Variants in PRKCE observed in about 807,000 individuals in gnomAD.
PRKCE encodes the protein protein kinase C epsilon type.
PRKCE carries 16 observed loss-of-function variants against 85.4 expected under a neutral mutation model. The ratio of observed to expected loss-of-function variants is 0.19; its 90% CI spans 0.13 to 0.28. The LOEUF is 0.28. Ranked by LOEUF, PRKCE falls within the 10% of genes least tolerant of loss-of-function variation. PRKCE has a pLI of 1.00. For synonymous variants in PRKCE, 388 were observed against 371.5 expected, an observed-to-expected ratio of 1.04 and a Z score of -0.51; for missense variants, 573 against 975.2, an observed-to-expected ratio of 0.59 and a Z score of 5.49.
intron 11 of PRKCE, among the ~76,000 whole-genome samples, chr2:46,115,129 C>A (rs927095179): frequency 2.0e-5 from 3 of 152,136 alleles, no homozygotes; most frequent in Admixed American, 2.0e-4. Context: ...ACCGTCAGTT[C>A]TAGGCACTGG....
intron 2 of PRKCE, among the ~76,000 whole-genome samples, chr2:45,876,164 C>A (rs142135292): frequency 6.6e-6 from 1 of 152,254 alleles, no homozygotes; most frequent in Non-Finnish European, 1.5e-5. Context: ...CTTCCATCTC[C>A]CCTTATTTCA....
At chr2:46,027,160 C>T (rs1380372894) in intron 10 of PRKCE, among the ~76,000 whole-genome samples, 2 of 152,024 alleles carry the variant, frequency 1.3e-5, no homozygotes, top group Non-Finnish European at 2.9e-5. Context: ...CAGAGCAAGA[C>T]CCTGTCTCAA....
intron 1 of PRKCE, among the ~76,000 whole-genome samples, chr2:45,809,952 A>G (rs1431725020): frequency 6.6e-6 from 1 of 152,080 alleles, no homozygotes; most frequent in African/African-American, 2.4e-5. Context: ...AAGGTCACCT[A>G]GGCTCCTTTA....
chr2:45,878,878 C>T lies in PRKCE; in HGVS notation c.412+35815C>T, dbSNP rs568277424. On this transcript the variant is annotated intron_variant, in intron 2 of 14. Transcript: ENST00000306156. ...TGGCAATTGAAAAGCAAAGTTTGCT[C>T]TTGCTTTTTTAAAATCAACTTTCTC... is the stretch of plus-strand genomic sequence containing the variant. 3.3e-5 allele frequency among the ~76,000 whole-genome samples: 5 copies of T among 152,188 alleles called. No individual in the cohort carries two copies. In the South Asian group the frequency reaches 6.3e-4, roughly 19 times the overall value.
intron 1 of PRKCE, among the ~76,000 whole-genome samples, chr2:45,842,780 A>C (rs1691461663): frequency 6.6e-6 from 1 of 152,168 alleles, no homozygotes; most frequent in Non-Finnish European, 1.5e-5. Context: ...CTGTGTAGCA[A>C]AATTGCCCCC....
intron 1 of PRKCE, among the ~76,000 whole-genome samples, chr2:45,804,383 T>C (rs1262883663): frequency 6.6e-6 from 1 of 152,108 alleles, no homozygotes. Flanking sequence ...CTGAATTCCA[T>C]TGAGAGGACC....
At chr2:46,121,757 C>T (rs986953656) in intron 11 of PRKCE, among the ~76,000 whole-genome samples, 2 of 152,194 alleles carry the variant, frequency 1.3e-5, no homozygotes, top group African/African-American at 4.8e-5. Flanking sequence ...AAATGCATAC[C>T]TGCAGGGCCT....
chr2:45,868,349 A>G (rs1051894373), intron 2 of PRKCE, among the ~76,000 whole-genome samples: 3 of 128,782 alleles, frequency 2.3e-5, no homozygotes, highest in Non-Finnish European at 5.0e-5. Context: ...AAAACTTTTT[A>G]GGGCAGTTAG....
rs1290728226 is a variant in PRKCE, at chr2:45,984,699, T to G, written c.823+19T>G. 6.3e-7 allele frequency: 1 copy of G among 1,593,032 alleles called. No homozygotes were observed. The highest frequency in any genetic ancestry group is 1.1e-5 in the South Asian group (1 of 90,612). On this transcript the variant is annotated intron_variant, in intron 6 of 14. Transcript: ENST00000306156. ...TGTAAAGGTAAGTTGCTCCCTGCCCTGCCCTCAGCCCCTGCATGTCCCCTT... is the reference window on the plus strand; with the variant it reads ...TGTAAAGGTAAGTTGCTCCCTGCCCGGCCCTCAGCCCCTGCATGTCCCCTT...
intron 1 of PRKCE, among the ~76,000 whole-genome samples, chr2:45,769,578 A>C (rs1483967488): frequency 2.6e-5 from 4 of 152,264 alleles, no homozygotes; most frequent in South Asian, 2.1e-4. Flanking sequence ...AGACTAGTTT[A>C]TTTCTCACTG....
chr2:45,986,948 G>A (rs1703375941), intron 6 of PRKCE, among the ~76,000 whole-genome samples: 1 of 152,158 alleles, frequency 6.6e-6, no homozygotes, highest in African/African-American at 2.4e-5. Context: ...TCTAGCAGAG[G>A]AGTGATGTGC....
intron 1 of PRKCE, among the ~76,000 whole-genome samples, chr2:45,788,454 G>A (rs900310144): frequency 1.1e-4 from 17 of 152,208 alleles, no homozygotes; most frequent in African/African-American, 4.1e-4. Context: ...GTGTTTTTAC[G>A]TGCAGTGTCT....
intron 2 of PRKCE, among the ~76,000 whole-genome samples, chr2:45,884,999 ATATT>A (rs1695178674): frequency 1.6e-5 from 1 of 63,270 alleles, no homozygotes; most frequent in Non-Finnish European, 3.2e-5. Flanking sequence ...ATATATATAT[ATATT>A]TGTTGTTGTT....
intron 14 of PRKCE, among the ~76,000 whole-genome samples, chr2:46,169,518 G>C (rs1341020804): frequency 6.6e-6 from 1 of 152,174 alleles, no homozygotes; most frequent in African/African-American, 2.4e-5. Flanking sequence ...TCAGGTGTGA[G>C]AGCCCAGCTA....
chr2:45,984,471 G>C (rs1703151023), intron 5 of PRKCE, 80 bp from the exon 6 acceptor site: 4 of 1,552,088 alleles, frequency 2.6e-6, no homozygotes, highest in South Asian at 1.2e-5. Context: ...CTTGGAAAAA[G>C]TTCTTTGAGA....
At chr2:45,666,028 G>A (rs1188366140) in intron 1 of PRKCE, among the ~76,000 whole-genome samples, 5 of 151,976 alleles carry the variant, frequency 3.3e-5, no homozygotes, top group African/African-American at 1.2e-4. Flanking sequence ...CTACCTTAAC[G>A]TTTGAAGTTT....
At chr2:45,670,528 G>A (rs897356971) in intron 1 of PRKCE, among the ~76,000 whole-genome samples, 7 of 152,152 alleles carry the variant, frequency 4.6e-5, no homozygotes, top group African/African-American at 9.6e-5. Context: ...ATGTGAGTAC[G>A]TATGATCTTA....
intron 2 of PRKCE, among the ~76,000 whole-genome samples, chr2:45,844,340 A>AG (rs1482801993): frequency 2.0e-5 from 3 of 152,156 alleles, no homozygotes; most frequent in African/African-American, 7.2e-5. Context: ...TTGCAATTAC[A>AG]TTTTGGCATT....
At chr2:45,677,867 G>T in intron 1 of PRKCE, 1 of 985,472 alleles carries the variant, frequency 1.0e-6, no homozygotes, top group South Asian at 4.7e-5. Flanking sequence ...TGAAAAAGAC[G>T]ATGGAAAGGC....
Sources: allele counts gnomAD v4.1 joint callset (sites outside exome capture counted in the v4.1 genomes callset), GRCh38; gene constraint gnomAD v4.1.1; transcripts MANE v1.5; gene names NCBI Gene and HGNC (gene_info 2026-07-23, HGNC 2026-07-21).